PDCD7: variants seen among roughly 807,000 people sequenced by gnomAD.
PDCD7 encodes programmed cell death 7, also known as programmed cell death protein 7.
In PDCD7, 40 loss-of-function variants were observed where a neutral mutation model predicts 42.1. The observed-to-expected ratio is 0.95, with a 90% CI of 0.74 to 1.24. The LOEUF is 1.24. PDCD7 is among the 50% of genes most tolerant of loss of function. PDCD7 has a pLI of 0.00. For missense variants in PDCD7, 644 were observed against 662.8 expected, an observed-to-expected ratio of 0.97 and a Z score of 0.31; for synonymous variants, 299 against 303.3, an observed-to-expected ratio of 0.99 and a Z score of 0.15.
At chr15:65,129,514 C>T (rs2087522756) in intron 1 of PDCD7, among the ~76,000 whole-genome samples, 1 of 152,116 alleles carries the variant, frequency 6.6e-6, no homozygotes. Context: ...AATGCAGATT[C>T]CCTAGACCTG....
In PDCD7 at chr15:65,132,939, A is replaced by G. The variant is rs1206811289; in HGVS notation, c.843T>C (p.Cys281=). 2.5e-6 allele frequency: 4 copies of G among 1,605,702 alleles called. No homozygotes were observed. Among genetic ancestry groups the G allele is most frequent in the Non-Finnish European group, 3.4e-6 (4 of 1,179,806 alleles). Residue 281 remains cysteine, a synonymous_variant, in exon 1 of 5, where the codon TGT becomes TGC. Transcript: ENST00000204549. ...GCTTCTTCTCCTCCACCTCCTGCACACACTTCACCCTCCAGCGGTCAATCT... is the reference window on the plus strand; with the variant it reads ...GCTTCTTCTCCTCCACCTCCTGCACGCACTTCACCCTCCAGCGGTCAATCT... ...EQEIDRWRVK[C]VQEVEEKKRE...
chr15:65,129,103 T>C lies in PDCD7; in HGVS notation c.938A>G (p.Lys313Arg), dbSNP rs1203027622. ...AGCCCGTAGAATGTCCACCATTCTT[T>C]TGGTATCTGCTTGTTTTTTCCTCAC... ...SEVRKKQADTKRMVDILRALE... is the reference protein window; with the variant it reads ...SEVRKKQADTRRMVDILRALE... Residue 313 changes from lysine (K) to arginine (R), a missense_variant, in exon 2 of 5, where the codon AAA becomes AGA. Lys to Arg is a conservative substitution (Grantham distance 26, BLOSUM62 2). Coordinates refer to ENST00000204549, the MANE Select transcript of PDCD7 (RefSeq NM_005707.2). 1.9e-6 allele frequency: 3 copies of C among 1,613,894 alleles called. No homozygotes were observed. The highest frequency in any genetic ancestry group is 2.2e-5 in the East Asian group (1 of 44,900).
intron 2 of PDCD7, among the ~76,000 whole-genome samples, chr15:65,120,998 C>G (rs1377623491): frequency 6.6e-6 from 1 of 151,448 alleles, no homozygotes; most frequent in South Asian, 2.1e-4. Flanking sequence ...CCTACCCTGA[C>G]TTTCTCAACT....
At chr15:65,124,632 A>G (rs2087482036) in intron 2 of PDCD7, among the ~76,000 whole-genome samples, 1 of 152,096 alleles carries the variant, frequency 6.6e-6, no homozygotes, top group African/African-American at 2.4e-5. Flanking sequence ...TGGCATTATC[A>G]GAAAAAACTT....
Position 65,133,184 on chromosome 15 carries a change from C to T in PDCD7, c.598G>A (p.Ala200Thr). Residue 200 changes from alanine (A) to threonine (T), a missense_variant, in exon 1 of 5, where the codon GCC becomes ACC. By Grantham distance (58) the Ala-to-Thr change is moderately conservative. Coordinates refer to ENST00000204549, the MANE Select transcript of PDCD7 (RefSeq NM_005707.2). The stretch of plus-strand genomic sequence containing the variant: ...AGCAGGACCCAGGCCGCGCCGTCGG[C>T]TTCGGCCTCGCGCAGGGCCTGGCTC... The part of the protein sequence containing the change: ...GLSQALREAE[A>T]DGAAWVLLYS... 3.5e-6 allele frequency: 5 copies of T among 1,447,786 alleles called. No homozygotes were observed. The highest frequency in any genetic ancestry group is 2.4e-4 in the Middle Eastern group (1 of 4,106). 89.7% of individuals were successfully genotyped at this position (1,447,786 alleles called of 1,614,324 possible).
rs1189414879 is a variant in PDCD7, at chr15:65,133,753, C to T, written c.29G>A (p.Gly10Asp). The T allele has an allele frequency of 1.5e-6, 2 of 1,332,472 alleles. No individual in the cohort carries two copies. The highest frequency in any genetic ancestry group is 1.9e-6 in the Non-Finnish European group (2 of 1,039,484). The allele number at this position is 1,332,472 out of a possible 1,614,324, so 82.5% of individuals were successfully genotyped here. A position where few individuals can be genotyped will look rare whatever the true frequency, so the allele number is the denominator to read the frequency against. Residue 10 changes from glycine (G) to aspartate (D), a missense_variant, in exon 1 of 5, where the codon GGT becomes GAT. By Grantham distance (94) the Gly-to-Asp change is moderately conservative. Coordinates refer to ENST00000204549, the MANE Select transcript of PDCD7 (RefSeq NM_005707.2). MALPPFFGQ[G>D]RPGPPPPQPP... Reference sequence around the variant, plus strand: ...CTGCGGGGGCGGTGGGCCTGGGCGACCCTGGCCGAAGAATGGTGGCAGGGC... The same window carrying T: ...CTGCGGGGGCGGTGGGCCTGGGCGATCCTGGCCGAAGAATGGTGGCAGGGC...
rs1595925778 is a variant in PDCD7 at position 65,118,210 on chromosome 15, T to C, written c.*507A>G. 1 of 152,378 alleles carries C rather than the reference T, an allele frequency of 6.6e-6. No individual in the cohort carries two copies. Among genetic ancestry groups the C allele is most frequent in the East Asian group, 1.9e-4 (1 of 5,196 alleles). The allele number at this position is 152,378 out of a possible 1,614,324, so 9.4% of individuals were successfully genotyped here. A position where few individuals can be genotyped will look rare whatever the true frequency, so the allele number is the denominator to read the frequency against. On this transcript the variant is annotated 3_prime_UTR_variant, in exon 5 of 5. Transcript: ENST00000204549. ...GCAGCCTCCTAAGCTGCACTAAAAC[T>C]GGGATTAACACAACTGAAGATAACA...
intron 4 of PDCD7, 47 bp from the exon 5 acceptor site, chr15:65,118,887 A>G: frequency 7.1e-7 from 1 of 1,401,822 alleles, no homozygotes; most frequent in Non-Finnish European, 9.5e-7. Context: ...GTTTTATTCC[A>G]AATAAGATGT....
Position 65,133,402 on chromosome 15 carries a change from G to C in PDCD7, c.380C>G (p.Pro127Arg). ...PWSPRWPEAP[P>R]PPADVLGDAA... is the part of the protein sequence containing the mutation. ...ATCCCCGAGCACGTCGGCCGGCGGC[G>C]GCGGCGCCTCAGGCCACCGCGGGCT... Residue 127 changes from proline (P) to arginine (R), a missense_variant, in exon 1 of 5, where the codon CCG becomes CGG. Pro to Arg is a moderately radical substitution (Grantham distance 103, BLOSUM62 -2). Coordinates refer to ENST00000204549, the MANE Select transcript of PDCD7 (RefSeq NM_005707.2). 8.4e-7 allele frequency: 1 copy of C among 1,185,830 alleles called. No homozygotes were observed. Among genetic ancestry groups the C allele is most frequent in the Non-Finnish European group, 1.0e-6 (1 of 959,344 alleles). 73.5% of individuals were successfully genotyped at this position (1,185,830 alleles called of 1,614,324 possible).
intron 2 of PDCD7, among the ~76,000 whole-genome samples, chr15:65,121,584 C>T (rs577897372): frequency 2.9e-4 from 44 of 152,322 alleles, no homozygotes; most frequent in African/African-American, 9.9e-4. Flanking sequence ...CTGCTGCTGA[C>T]AGTAGGCTGA....
intron 2 of PDCD7, among the ~76,000 whole-genome samples, chr15:65,126,590 C>CA (rs1254814143): frequency 6.6e-5 from 10 of 151,756 alleles, no homozygotes; most frequent in African/African-American, 1.5e-4. Flanking sequence ...TCTATCTCTA[C>CA]AAAAAATTTA....
At chr15:65,119,612 G>A in intron 3 of PDCD7, 106 bp downstream of exon 3, 2 of 1,277,298 alleles carry the variant, frequency 1.6e-6, no homozygotes, top group Middle Eastern at 1.9e-4. Flanking sequence ...ATTGCATCTG[G>A]AAGGTGTCAT....
chr15:65,133,789 AC>A lies in PDCD7; in HGVS notation c.-9del. 7.3e-7 allele frequency: 1 copy of A among 1,361,610 alleles called. No homozygotes were observed. The highest frequency in any genetic ancestry group is 9.5e-7 in the Non-Finnish European group (1 of 1,056,064). 84.3% of individuals were successfully genotyped at this position (1,361,610 alleles called of 1,614,324 possible). On this transcript the variant is annotated 5_prime_UTR_variant, in exon 1 of 5. Coordinates refer to ENST00000204549, the MANE Select transcript of PDCD7 (RefSeq NM_005707.2). Reference sequence around the variant, plus strand: ...GAATGGTGGCAGGGCCATGTTCACGACGGAGATGCTTTGAGAAGTGACAGGA... The same window carrying A: ...GAATGGTGGCAGGGCCATGTTCACGAGGAGATGCTTTGAGAAGTGACAGGA...
chr15:65,121,391 T>C (rs1054135504), intron 2 of PDCD7, among the ~76,000 whole-genome samples: 4 of 152,182 alleles, frequency 2.6e-5, no homozygotes, highest in African/African-American at 4.8e-5. Context: ...ATCCTCCACT[T>C]GAAACAGTGA....
At chr15:65,121,527 G>C (rs1376213075) in intron 2 of PDCD7, among the ~76,000 whole-genome samples, 1 of 152,196 alleles carries the variant, frequency 6.6e-6, no homozygotes, top group Non-Finnish European at 1.5e-5. Context: ...GTGCACACTT[G>C]GATGGTGAGG....
chr15:65,132,350 C>G (rs1296322256), intron 1 of PDCD7, among the ~76,000 whole-genome samples: 2 of 150,328 alleles, frequency 1.3e-5, no homozygotes, highest in East Asian at 3.9e-4. Context: ...GTGGTGCGAT[C>G]TCGGCTCACT....
intron 2 of PDCD7, among the ~76,000 whole-genome samples, chr15:65,125,122 T>G (rs1477157334): frequency 1.3e-5 from 2 of 152,176 alleles, no homozygotes; most frequent in East Asian, 3.8e-4. Flanking sequence ...CTGTCCCCAT[T>G]TACACACTCA....
chr15:65,132,110 ATATG>A (rs1264305857), intron 1 of PDCD7, among the ~76,000 whole-genome samples: 3 of 84,688 alleles, frequency 3.5e-5, no homozygotes, highest in Non-Finnish European at 4.9e-5. Context: ...ATGTGTATAT[ATATG>A]TATGTATGTG....
At chr15:65,125,642 T>C (rs1328869114) in intron 2 of PDCD7, among the ~76,000 whole-genome samples, 1 of 152,224 alleles carries the variant, frequency 6.6e-6, no homozygotes, top group Non-Finnish European at 1.5e-5. Context: ...GCATTTACTA[T>C]GTGCCAGGAC....
Sources: gnomAD v4.1 joint callset for allele counts (sites outside exome capture counted in the v4.1 genomes callset) on GRCh38, gnomAD v4.1.1 for gene constraint, MANE v1.5 for transcripts, NCBI Gene and HGNC (gene_info 2026-07-23, HGNC 2026-07-21) for gene names.